PPA2: variants seen among roughly 807,000 people sequenced by gnomAD.
PPA2 encodes inorganic pyrophosphatase 2.
Under a neutral mutation model 49.5 loss-of-function variants are expected in PPA2, and 48 were observed. The observed-to-expected ratio is 0.97, with a 90% CI of 0.77 to 1.23. The LOEUF (loss-of-function observed/expected upper bound fraction) is 1.23. Among genes scored for constraint, PPA2 ranks in the 50% most tolerant of loss-of-function variants. The pLI, the probability that PPA2 is intolerant of heterozygous loss-of-function variation, is 0.00. For synonymous variants in PPA2, 131 were observed against 139.9 expected, an observed-to-expected ratio of 0.94 and a Z score of 0.45; for missense variants, 429 against 410.1, an observed-to-expected ratio of 1.05 and a Z score of -0.40.
Position 105,460,577 on chromosome 4 carries a change from G to GA in PPA2, c.158-3833dup, listed in dbSNP as rs576538638. On this transcript the variant is annotated intron_variant, in intron 1 of 11. Coordinates refer to ENST00000341695, the MANE Select transcript of PPA2 (RefSeq NM_176869.3). ...AGTAAAAAAGGTAGAATTCTGAAAA[G>GA]AAAAAAAATACAATCCTTTAACAGA... Among the ~76,000 whole-genome samples, 8 of 151,672 alleles carry GA rather than the reference G, an allele frequency of 5.3e-5. No homozygotes were observed. In the East Asian group the frequency reaches 5.8e-4, roughly 11 times the overall value.
chr4:105,402,403 T>C (rs72964262), intron 7 of PPA2, among the ~76,000 whole-genome samples: 5,025 of 152,286 alleles, frequency 0.033, 276 homozygotes, highest in African/African-American at 0.11. Flanking sequence ...TATCCTCTGG[T>C]GAAATCACTT....
chr4:105,443,639 ACT>A (rs35353072), intron 5 of PPA2, among the ~76,000 whole-genome samples: 1 of 140,114 alleles, frequency 7.1e-6, no homozygotes, highest in Non-Finnish European at 1.5e-5. Context: ...ACACACACAG[ACT>A]CTCTCTCTCT....
At chr4:105,406,607 G>A (rs1042916407) in intron 7 of PPA2, among the ~76,000 whole-genome samples, 1 of 152,158 alleles carries the variant, frequency 6.6e-6, no homozygotes, top group African/African-American at 2.4e-5. Flanking sequence ...AGGTTTACAT[G>A]AAGGATTAGT....
intron 5 of PPA2, among the ~76,000 whole-genome samples, chr4:105,441,916 T>A (rs142717875): frequency 1.3e-5 from 2 of 152,114 alleles, no homozygotes; most frequent in Non-Finnish European, 2.9e-5. Context: ...CAAAGCCATA[T>A]ATACAGGTGG....
At chr4:105,385,902 CAG>C (rs1733660637) in intron 10 of PPA2, among the ~76,000 whole-genome samples, 1 of 135,128 alleles carries the variant, frequency 7.4e-6, no homozygotes, top group African/African-American at 2.8e-5. Flanking sequence ...TTTTTTGAGA[CAG>C]AGTCTCACTC....
rs1194051294 is a variant in PPA2, at chr4:105,430,201, A to G, written c.529-5879T>C. 2.0e-5 allele frequency among the ~76,000 whole-genome samples: 3 copies of G among 152,326 alleles called. No homozygotes were observed. In the East Asian group the frequency reaches 5.8e-4, roughly 29 times the overall value. On this transcript the variant is annotated intron_variant, in intron 6 of 11. Transcript: ENST00000341695. The stretch of plus-strand genomic sequence containing the variant: ...GTCCTGAAATTATTTATTTTGAGGG[A>G]AAAAATACTAGAATTTCAAGTCATA...
chr4:105,462,714 G>A (rs188154975), intron 1 of PPA2, among the ~76,000 whole-genome samples: 16 of 152,264 alleles, frequency 1.1e-4, no homozygotes, highest in South Asian at 6.2e-4. Context: ...GAATTCCCAC[G>A]TGTTGTGGGT....
intron 7 of PPA2, 77 bp downstream of exon 7, chr4:105,424,119 T>A (rs551512370): frequency 2.0e-6 from 3 of 1,464,976 alleles, no homozygotes; most frequent in East Asian, 2.3e-5. Context: ...AACTCCCCTA[T>A]GTGAACTTCT....
intron 6 of PPA2, among the ~76,000 whole-genome samples, chr4:105,428,001 T>C (rs1723607162): frequency 6.6e-6 from 1 of 152,198 alleles, no homozygotes; most frequent in Non-Finnish European, 1.5e-5. Flanking sequence ...AGCAGATCTC[T>C]TGGCAGAAAC....
chr4:105,424,446 A>C, intron 6 of PPA2, 124 bp from the exon 7 acceptor site: 1 of 897,798 alleles, frequency 1.1e-6, no homozygotes, highest in Non-Finnish European at 1.5e-6. Context: ...AATAATTAAA[A>C]ATAATATGAA....
chr4:105,439,378 C>T (rs1434114674), intron 5 of PPA2, among the ~76,000 whole-genome samples: 3 of 152,126 alleles, frequency 2.0e-5, no homozygotes, highest in East Asian at 1.9e-4. Context: ...ATCTACTTCA[C>T]GGTTCTCTTC....
intron 9 of PPA2, among the ~76,000 whole-genome samples, chr4:105,390,693 T>C (rs145261208): frequency 6.6e-5 from 10 of 152,350 alleles, no homozygotes; most frequent in African/African-American, 1.2e-4. Flanking sequence ...CAATAGATGA[T>C]GCTGAGGCTG....
chr4:105,390,427 G>C (rs936980208), intron 9 of PPA2, among the ~76,000 whole-genome samples: 1 of 151,352 alleles, frequency 6.6e-6, no homozygotes. Context: ...CAAAGGTCTA[G>C]TATCCAGAAT....
In PPA2 at chr4:105,424,193, T is replaced by C; in HGVS notation, c.655+3A>G. 2 of 1,600,516 alleles carry C rather than the reference T, an allele frequency of 1.2e-6. No homozygotes were observed. The highest frequency in any genetic ancestry group is 1.7e-6 in the Non-Finnish European group (2 of 1,176,978). On this transcript the variant is annotated splice_donor_region_variant and intron_variant, in intron 7 of 11. Transcript: ENST00000341695. ...TTCACTTTCTGGAAAGTAACAGTCT[T>C]ACCATGAAACTTTGAGGCTTCAGGA...
At chr4:105,465,587 C>G (rs182031840) in intron 1 of PPA2, among the ~76,000 whole-genome samples, 1 of 152,156 alleles carries the variant, frequency 6.6e-6, no homozygotes, top group East Asian at 1.9e-4. Flanking sequence ...AGGCCAATTT[C>G]TCAAGTTGTT....
chr4:105,418,709 CA>C (rs1352574722), intron 7 of PPA2, among the ~76,000 whole-genome samples: 1 of 152,194 alleles, frequency 6.6e-6, no homozygotes, highest in Non-Finnish European at 1.5e-5. Context: ...GCACAACAGA[CA>C]ATAGTTTTCA....
At chr4:105,372,636 G>A (rs1465480199) in intron 10 of PPA2, among the ~76,000 whole-genome samples, 1 of 152,180 alleles carries the variant, frequency 6.6e-6, no homozygotes, top group East Asian at 1.9e-4. Context: ...CCAGGAGACA[G>A]CCATCAGATT....
intron 7 of PPA2, among the ~76,000 whole-genome samples, chr4:105,409,386 A>G (rs1463146430): frequency 6.6e-6 from 1 of 152,206 alleles, no homozygotes; most frequent in African/African-American, 2.4e-5. Context: ...TAGGTAAACA[A>G]AGCGGCCTGG....
rs186613773 is a variant in PPA2, at chr4:105,420,504, A to G, written c.655+3692T>C. Among the ~76,000 whole-genome samples the G allele has an allele frequency of 7.9e-4, 120 of 152,318 alleles. No homozygotes were observed. The Middle Eastern group carries it at 0.01, about 13-fold the overall frequency. On this transcript the variant is annotated intron_variant, in intron 7 of 11. Transcript: ENST00000341695. ...ATTACACACATACCCAGAAAACTAC[A>G]CAATTAAAAAGAAAATTCCTGATAG...
Sources: allele counts gnomAD v4.1 joint callset (sites outside exome capture counted in the v4.1 genomes callset), GRCh38; gene constraint gnomAD v4.1.1; transcripts MANE v1.5; gene names NCBI Gene and HGNC (gene_info 2026-07-23, HGNC 2026-07-21).